LAMA2: variants seen among roughly 807,000 people sequenced by gnomAD.
LAMA2 encodes laminin subunit alpha 2.
In LAMA2, 269 loss-of-function variants were observed where a neutral mutation model predicts 364.8. That is an observed-to-expected ratio of 0.74 (90% CI 0.67 to 0.82). The LOEUF is 0.82. Ranked by LOEUF, LAMA2 falls within the 40% of genes least tolerant of loss-of-function variation. The probability of loss-of-function intolerance (pLI) is 0.00; values close to 1 mark genes in which losing one functional copy is unlikely to be tolerated. For missense variants in LAMA2, 3,807 were observed against 3,873.2 expected (o/e 0.98, Z 0.45); for synonymous variants, 1,379 against 1,370.6 (o/e 1.01, Z -0.14).
chr6:129,184,219 T>C (rs1249057835), intron 10 of LAMA2, among the ~76,000 whole-genome samples: 4 of 151,942 alleles, frequency 2.6e-5, no homozygotes, highest in African/African-American at 4.8e-5. Flanking sequence ...TGTACAGGAA[T>C]GGTCACTTCA....
chr6:129,479,433 T>TAACTA (rs772243017), intron 54 of LAMA2, among the ~76,000 whole-genome samples: 23 of 152,316 alleles, frequency 1.5e-4, no homozygotes, highest in Non-Finnish European at 2.5e-4. Flanking sequence ...TATTTTCGTT[T>TAACTA]AACTATTTTG....
chr6:129,070,338 TA>T (rs984255114), intron 3 of LAMA2, among the ~76,000 whole-genome samples: 1 of 152,180 alleles, frequency 6.6e-6, no homozygotes, highest in Non-Finnish European at 1.5e-5. Context: ...GGCTAAGTTG[TA>T]ATGTGAAAAA....
intron 1 of LAMA2, among the ~76,000 whole-genome samples, chr6:128,953,187 A>G (rs1780938638): frequency 1.3e-5 from 2 of 152,304 alleles, no homozygotes; most frequent in South Asian, 4.2e-4. Context: ...GCAAATGACA[A>G]CTGGAATTGA....
At chr6:128,970,062 T>C (rs1388625732) in intron 1 of LAMA2, among the ~76,000 whole-genome samples, 8 of 152,136 alleles carry the variant, frequency 5.3e-5, no homozygotes, top group African/African-American at 1.7e-4. Flanking sequence ...TGGAGGAAAA[T>C]ATGGTATCTT....
intron 1 of LAMA2, among the ~76,000 whole-genome samples, chr6:129,042,001 C>CA (rs67741467): frequency 0.48 from 68,244 of 142,836 alleles, 18,769 homozygotes; most frequent in East Asian, 0.8. Context: ...GACCCTGTCT[C>CA]AAAAAAAAAA....
At chr6:128,976,317 C>T (rs1166369146) in intron 1 of LAMA2, among the ~76,000 whole-genome samples, 1 of 152,068 alleles carries the variant, frequency 6.6e-6, no homozygotes, top group Admixed American at 6.5e-5. Context: ...TTTTCCAGTT[C>T]CTGATAGATA....
At chr6:128,912,935 G>A (rs7451592) in intron 1 of LAMA2, among the ~76,000 whole-genome samples, 21,227 of 152,182 alleles carry the variant, frequency 0.14, 2,020 homozygotes, top group African/African-American at 0.27. Flanking sequence ...GGAATGGTGG[G>A]CTGTGGAGCA....
At chr6:129,378,348 G>C (rs956099733) in intron 34 of LAMA2, among the ~76,000 whole-genome samples, 1 of 152,128 alleles carries the variant, frequency 6.6e-6, no homozygotes. Context: ...GCCTGTCCTG[G>C]GTGAGATTGA....
At chr6:128,964,289 C>T (rs543992094) in intron 1 of LAMA2, among the ~76,000 whole-genome samples, 2 of 152,148 alleles carry the variant, frequency 1.3e-5, no homozygotes, top group African/African-American at 4.8e-5. Flanking sequence ...TATTTTCCGA[C>T]TGACTTGTTT....
chr6:129,505,448 A>T (rs2114901734), intron 61 of LAMA2, 93 bp downstream of exon 61: 1 of 948,724 alleles, frequency 1.1e-6, no homozygotes, highest in East Asian at 2.5e-5. Flanking sequence ...GCCCATGAAA[A>T]CTGATAGGTG....
At chr6:129,471,597 G>A (rs966551148) in intron 51 of LAMA2, among the ~76,000 whole-genome samples, 3 of 151,700 alleles carry the variant, frequency 2.0e-5, no homozygotes, top group African/African-American at 4.8e-5. Context: ...TACCTTTGCC[G>A]ATCTAGATAA....
At chr6:129,328,053 T>A (rs1448322429) in intron 28 of LAMA2, among the ~76,000 whole-genome samples, 2 of 151,928 alleles carry the variant, frequency 1.3e-5, no homozygotes, top group African/African-American at 2.4e-5. Flanking sequence ...AAATAAAAGC[T>A]TTCCTTGGTT....
At chr6:128,977,899 A>T (rs937283723) in intron 1 of LAMA2, among the ~76,000 whole-genome samples, 11 of 152,192 alleles carry the variant, frequency 7.2e-5, no homozygotes, top group African/African-American at 2.7e-4. Flanking sequence ...GGTTGGAGCC[A>T]TTGCAGAATC....
In LAMA2 at chr6:128,960,973, G is replaced by T. The variant is rs184957762; in HGVS notation, c.112+77616G>T. On this transcript the variant is annotated intron_variant, in intron 1 of 64. Transcript: ENST00000421865. ...AAATTTTGCTGTCCAATAATGTTTA[G>T]CTGAGACACTAAAATTGTTAAATCT... Among the ~76,000 whole-genome samples, 4 of 151,852 alleles carry T rather than the reference G, an allele frequency of 2.6e-5. No individual in the cohort carries two copies. The East Asian group carries it at 5.9e-4, about 22-fold the overall frequency.
chr6:129,020,598 C>T (rs1176518601), intron 1 of LAMA2, among the ~76,000 whole-genome samples: 5 of 152,146 alleles, frequency 3.3e-5, no homozygotes, highest in Admixed American at 3.3e-4. Context: ...GATAAAGTCT[C>T]TAAGGTAGCA....
chr6:129,505,765 CTCATGA>C (rs1349680942), intron 61 of LAMA2, among the ~76,000 whole-genome samples: 1 of 151,928 alleles, frequency 6.6e-6, no homozygotes, highest in Non-Finnish European at 1.5e-5. Flanking sequence ...ATCTCCTGAC[CTCATGA>C]TCCGCCTGCC....
intron 16 of LAMA2, 100 bp from the exon 17 acceptor site, chr6:129,270,524 G>T (rs1787849565): frequency 8.5e-7 from 1 of 1,174,074 alleles, no homozygotes; most frequent in Non-Finnish European, 1.3e-6. Context: ...AATTATTCTT[G>T]CTGGCAGGGA....
chr6:129,131,376 A>G (rs1173611025), intron 4 of LAMA2, among the ~76,000 whole-genome samples: 1 of 152,180 alleles, frequency 6.6e-6, no homozygotes, highest in Non-Finnish European at 1.5e-5. Context: ...TGGACCCGAC[A>G]GAAAATAAGG....
At chr6:129,491,254 G>A (rs554213176) in intron 56 of LAMA2, among the ~76,000 whole-genome samples, 6 of 152,276 alleles carry the variant, frequency 3.9e-5, no homozygotes, top group African/African-American at 1.4e-4. Flanking sequence ...TTGGCCCAGG[G>A]ATCCAAGGAT....
Sources: gnomAD v4.1 joint callset for allele counts (sites outside exome capture counted in the v4.1 genomes callset) on GRCh38, gnomAD v4.1.1 for gene constraint, MANE v1.5 for transcripts, NCBI Gene and HGNC (gene_info 2026-07-23, HGNC 2026-07-21) for gene names.